NCAPG2: variants seen among roughly 807,000 people sequenced by gnomAD.
NCAPG2 encodes non-SMC condensin II complex subunit G2, also known as condensin-2 complex subunit G2.
NCAPG2 carries 53 observed loss-of-function variants against 141.1 expected under a neutral mutation model. The observed-to-expected ratio is 0.38, with a 90% CI of 0.30 to 0.47. The LOEUF (loss-of-function observed/expected upper bound fraction) is 0.47. Ranked by LOEUF, NCAPG2 falls within the 20% of genes least tolerant of loss-of-function variation. The pLI is 0.99. For missense variants in NCAPG2, 1,087 were observed against 1,389.0 expected, an observed-to-expected ratio of 0.78 and a Z score of 3.46; for synonymous variants, 499 against 490.7, an observed-to-expected ratio of 1.02 and a Z score of -0.22.
At chr7:158,677,296 G>A (rs1486168131) in intron 11 of NCAPG2, among the ~76,000 whole-genome samples, 5 of 151,906 alleles carry the variant, frequency 3.3e-5, no homozygotes, top group South Asian at 4.2e-4. Context: ...CTTGGGTACC[G>A]AGGGGTCACC....
chr7:158,704,114 C>G, intron 1 of NCAPG2, among the ~76,000 whole-genome samples: 1 of 147,994 alleles, frequency 6.8e-6, no homozygotes, highest in Non-Finnish European at 1.5e-5. Flanking sequence ...ATGCCCAGGA[C>G]TGAGGGGACG....
At chr7:158,660,309 T>C (rs1832380302) in intron 16 of NCAPG2, among the ~76,000 whole-genome samples, 1 of 151,558 alleles carries the variant, frequency 6.6e-6, no homozygotes, top group African/African-American at 2.4e-5. Context: ...ACAACTGCCC[T>C]GTCCGCCAAC....
At chr7:158,687,913 T>C (rs1045932542) in intron 6 of NCAPG2, among the ~76,000 whole-genome samples, 1 of 152,224 alleles carries the variant, frequency 6.6e-6, no homozygotes, top group African/African-American at 2.4e-5. Flanking sequence ...CAAGCTAGAA[T>C]TTCCAAATAC....
chr7:158,658,477 G>C, intron 16 of NCAPG2, 69 bp from the exon 17 acceptor site: 1 of 1,350,336 alleles, frequency 7.4e-7, no homozygotes, highest in South Asian at 1.5e-5. Flanking sequence ...GTCTCTCTAC[G>C]TAAATTCCTG....
At chr7:158,696,307 G>C (rs1300211140) in intron 2 of NCAPG2, 1 of 152,208 alleles carries the variant, frequency 6.6e-6, no homozygotes, top group African/African-American at 2.4e-5. Flanking sequence ...AGAGGAAGTA[G>C]AAGCTGCCAA....
intron 6 of NCAPG2, among the ~76,000 whole-genome samples, chr7:158,688,827 C>T (rs1834943317): frequency 6.6e-6 from 1 of 152,204 alleles, no homozygotes; most frequent in South Asian, 2.1e-4. Flanking sequence ...GCAGATGGCT[C>T]GCCGGGGTCC....
Position 158,664,245 on chromosome 7 carries a change from G to C in NCAPG2, c.1754C>G (p.Ala585Gly), listed in dbSNP as rs1832747043. 6.2e-7 allele frequency: 1 copy of C among 1,613,878 alleles called. No homozygotes were observed. Among genetic ancestry groups the C allele is most frequent in the African/African-American group, 1.3e-5 (1 of 74,960 alleles). ...RHCLNACIQR[A>G]VREPPEDEEE... ...CTCGTCCTCTGGAGGCTCTCTCACTGCCCTCTGGATACAGGCATTTAAGCA... is the reference window on the plus strand; with the variant it reads ...CTCGTCCTCTGGAGGCTCTCTCACTCCCCTCTGGATACAGGCATTTAAGCA... The change falls in exon 15 of 28, where the codon GCA becomes GGA. Residue 585 changes from alanine (A) to glycine (G), a missense_variant. Physicochemically the swap from Ala to Gly is moderately conservative, Grantham distance 60 (BLOSUM62 0). Transcript: ENST00000356309.
chr7:158,645,517 A>G lies in NCAPG2; in HGVS notation c.3280+2T>C. On this transcript the variant is annotated splice_donor_variant, in intron 26 of 27. Transcript: ENST00000356309. LOFTEE classifies it high-confidence loss of function. ...CAGATGACAGAGGGGAATGTAACCA[A>G]CCTGCATTAATAACCAGGATAATAT... The G allele has an allele frequency of 6.2e-7, 1 of 1,613,590 alleles. No individual in the cohort carries two copies. The highest frequency in any genetic ancestry group is 8.5e-7 in the Non-Finnish European group (1 of 1,179,478).
chr7:158,673,748 G>C (rs1446281627), intron 12 of NCAPG2, among the ~76,000 whole-genome samples: 1 of 152,208 alleles, frequency 6.6e-6, no homozygotes, highest in Non-Finnish European at 1.5e-5. Flanking sequence ...GATAGCCAGG[G>C]GGAGCCCGTC....
At position 158,677,525 on chromosome 7, in the gene NCAPG2, C is replaced by CAAAAAAAAAAAAAAAAAA; in HGVS notation, c.1147-1887_1147-1870dup. Among the ~76,000 whole-genome samples, 35 of 90,398 alleles carry CAAAAAAAAAAAAAAAAAA rather than the reference C, an allele frequency of 3.9e-4. 1 individual carries two copies. Among genetic ancestry groups the CAAAAAAAAAAAAAAAAAA allele is most frequent in the East Asian group, 8.9e-4 (3 of 3,356 alleles). The allele number at this position is 90,398 out of a possible 152,430, so 59.3% of individuals were successfully genotyped here. ...AGAAAAAAAGATGATAAAAATAAAGCAAAAAAAAAAAAAAAAAAAAAAACA... is the reference window on the plus strand; with the variant it reads ...AGAAAAAAAGATGATAAAAATAAAGCAAAAAAAAAAAAAAAAAAAAAAAAAAAAAAAAAAAAAAAAACA... On this transcript the variant is annotated intron_variant, in intron 11 of 27. Transcript: ENST00000356309.
intron 23 of NCAPG2, among the ~76,000 whole-genome samples, chr7:158,651,264 C>T (rs905518439): frequency 2.0e-5 from 3 of 152,006 alleles, no homozygotes; most frequent in East Asian, 1.9e-4. Flanking sequence ...GGGAGAGAGG[C>T]AAAACATCAA....
chr7:158,681,748 A>C (rs1054571990), intron 9 of NCAPG2, among the ~76,000 whole-genome samples: 1 of 152,212 alleles, frequency 6.6e-6, no homozygotes, highest in African/African-American at 2.4e-5. Context: ...ACAGCTTAAG[A>C]CTTAATTCAC....
At chr7:158,678,908 T>A (rs1166302950) in intron 11 of NCAPG2, among the ~76,000 whole-genome samples, 1 of 152,310 alleles carries the variant, frequency 6.6e-6, no homozygotes, top group Middle Eastern at 3.4e-3. Flanking sequence ...TGGGGTGCAG[T>A]TGTGTGATCA....
chr7:158,673,571 C>T (rs1223242950), intron 12 of NCAPG2, among the ~76,000 whole-genome samples: 1 of 152,242 alleles, frequency 6.6e-6, no homozygotes, highest in Non-Finnish European at 1.5e-5. Context: ...TGTCCCTTCC[C>T]TTACACAGGT....
At chr7:158,646,429 C>A (rs1587082401) in intron 25 of NCAPG2, 31 bp downstream of exon 25, 2 of 1,522,156 alleles carry the variant, frequency 1.3e-6, no homozygotes, top group East Asian at 4.7e-5. Context: ...CCACGATGAG[C>A]ATTTCAGGAC....
intron 6 of NCAPG2, 121 bp downstream of exon 6, chr7:158,689,698 T>TA: frequency 5.8e-6 from 5 of 867,306 alleles, no homozygotes; most frequent in Non-Finnish European, 8.1e-6. Flanking sequence ...TCATGTGCAG[T>TA]AAATAGCTCC....
rs145529992 is a variant in NCAPG2 at position 158,680,583 on chromosome 7, T to C, written c.1020+138A>G. ...ATGCTTTTAATAAAAGAAAAAAACA[T>C]TTGTTCAAAAATTTCAGAAAGCATT... On this transcript the variant is annotated intron_variant, in intron 10 of 27. Transcript: ENST00000356309. The C allele has an allele frequency of 6.1e-5, 31 of 506,838 alleles. 1 individual carries two copies. The highest frequency in any genetic ancestry group is 5.2e-4 in the African/African-American group (26 of 50,392). 31.4% of individuals were successfully genotyped at this position (506,838 alleles called of 1,614,324 possible).
Position 158,638,650 on chromosome 7 carries a change from A to G in NCAPG2, c.3380+5639T>C, listed in dbSNP as rs571763014. 5.3e-5 allele frequency among the ~76,000 whole-genome samples: 8 copies of G among 152,336 alleles called. No individual in the cohort carries two copies. In the South Asian group the frequency reaches 1.7e-3, roughly 32 times the overall value. On this transcript the variant is annotated intron_variant, in intron 27 of 27. Transcript: ENST00000356309. ...GCAGTTCTAAACTTATATGCACCTA[A>G]TAACAGGGCCATAAAATATATAATG... is the stretch of plus-strand genomic sequence containing the variant.
At chr7:158,652,253 A>T in intron 23 of NCAPG2, 40 bp downstream of exon 23, 1 of 1,578,524 alleles carries the variant, frequency 6.3e-7, no homozygotes, top group Non-Finnish European at 8.6e-7. Context: ...AGCCCTGAAA[A>T]GCCCATCTAG....
Sources: gnomAD v4.1 joint callset for allele counts (sites outside exome capture counted in the v4.1 genomes callset) on GRCh38, gnomAD v4.1.1 for gene constraint, MANE v1.5 for transcripts, NCBI Gene and HGNC (gene_info 2026-07-23, HGNC 2026-07-21) for gene names.